SPPL3: variants seen among roughly 807,000 people sequenced by gnomAD.
SPPL3 encodes signal peptide peptidase-like 3.
SPPL3 carries 5 observed loss-of-function variants against 42.4 expected under a neutral mutation model. That is an observed-to-expected ratio of 0.12 (90% CI 0.06 to 0.25). SPPL3 has a LOEUF of 0.25. Among genes scored for constraint, SPPL3 ranks in the 10% least tolerant of loss-of-function variants. The pLI, the probability that SPPL3 is intolerant of heterozygous loss-of-function variation, is 1.00. For missense variants in SPPL3, 235 were observed against 489.0 expected (o/e 0.48, Z 4.90); for synonymous variants, 195 against 181.8 (o/e 1.07, Z -0.58).
intron 1 of SPPL3, among the ~76,000 whole-genome samples, chr12:120,813,241 T>C (rs1870744873): frequency 8.0e-6 from 1 of 125,210 alleles, no homozygotes; most frequent in African/African-American, 4.5e-5. Flanking sequence ...CCTTTAATCG[T>C]TGTAAAAAAT....
chr12:120,784,471 T>C lies in SPPL3; in HGVS notation c.310+3A>G, dbSNP rs762729066. On this transcript the variant is annotated splice_donor_region_variant and intron_variant, in intron 4 of 10. Transcript: ENST00000353487. Reference sequence around the variant, plus strand: ...AAGACTAGACAGAGAAACTCATATTTACCTGCTGTACATATTGTAAAAACT... The same window carrying C: ...AAGACTAGACAGAGAAACTCATATTCACCTGCTGTACATATTGTAAAAACT... 3.2e-5 allele frequency: 51 copies of C among 1,587,132 alleles called. No individual in the cohort carries two copies. The highest frequency in any genetic ancestry group is 4.1e-5 in the Non-Finnish European group (48 of 1,170,586).
chr12:120,891,674 C>A (rs1479703339), intron 1 of SPPL3, among the ~76,000 whole-genome samples: 4 of 146,620 alleles, frequency 2.7e-5, no homozygotes, highest in Non-Finnish European at 5.9e-5. Context: ...ATGTTTCCTG[C>A]AAAATATTTT....
chr12:120,851,261 A>G (rs1872212628), intron 1 of SPPL3, among the ~76,000 whole-genome samples: 1 of 152,220 alleles, frequency 6.6e-6, no homozygotes, highest in Non-Finnish European at 1.5e-5. Flanking sequence ...TAGCAGCAGC[A>G]CATACCACTT....
intron 1 of SPPL3, among the ~76,000 whole-genome samples, chr12:120,862,255 CACTTCTGACACCAA>C (rs1478461868): frequency 3.9e-5 from 6 of 152,176 alleles, no homozygotes; most frequent in Non-Finnish European, 7.4e-5. Context: ...CTACTCTTAA[CACTTCTGACACCAA>C]ATGTGTGGGT....
intron 1 of SPPL3, among the ~76,000 whole-genome samples, chr12:120,814,818 G>A (rs1182536967): frequency 6.6e-6 from 1 of 151,948 alleles, no homozygotes; most frequent in Non-Finnish European, 1.5e-5. Context: ...CACTTCTTAT[G>A]AAATAGGTAG....
intron 1 of SPPL3, among the ~76,000 whole-genome samples, chr12:120,883,335 CTT>C (rs767190190): frequency 2.0e-5 from 3 of 152,154 alleles, no homozygotes; most frequent in Non-Finnish European, 2.9e-5. Flanking sequence ...AAAAAACAAA[CTT>C]AATTCTAGAT....
chr12:120,811,430 C>T (rs926948004), intron 1 of SPPL3: 1 of 152,274 alleles, frequency 6.6e-6, no homozygotes, highest in Admixed American at 6.5e-5. Context: ...CTTAGCTGAT[C>T]CTCTCAAGGA....
chr12:120,883,714 A>G (rs1873361379), intron 1 of SPPL3, among the ~76,000 whole-genome samples: 1 of 152,222 alleles, frequency 6.6e-6, no homozygotes, highest in Admixed American at 6.5e-5. Flanking sequence ...AAAAATATTG[A>G]CTGAAAAAAA....
intron 2 of SPPL3, among the ~76,000 whole-genome samples, chr12:120,793,985 TGG>T (rs1870013176): frequency 6.6e-6 from 1 of 152,240 alleles, no homozygotes; most frequent in Admixed American, 6.5e-5. Flanking sequence ...ATTCTATTAT[TGG>T]GAGTGGTACT....
intron 1 of SPPL3, among the ~76,000 whole-genome samples, chr12:120,849,762 C>T (rs1872163541): frequency 6.6e-6 from 1 of 152,210 alleles, no homozygotes; most frequent in African/African-American, 2.4e-5. Flanking sequence ...CTAAAAACCA[C>T]TCTGGGTTAC....
chr12:120,878,851 T>C (rs1260287492), intron 1 of SPPL3, among the ~76,000 whole-genome samples: 1 of 152,088 alleles, frequency 6.6e-6, no homozygotes, highest in Non-Finnish European at 1.5e-5. Flanking sequence ...CAGTGGCTCA[T>C]ACCCGTAATC....
At chr12:120,870,126 A>G (rs186981357) in intron 1 of SPPL3, among the ~76,000 whole-genome samples, 3 of 152,352 alleles carry the variant, frequency 2.0e-5, no homozygotes, top group Non-Finnish European at 4.4e-5. Flanking sequence ...ACACATCTTC[A>G]GATTCAGAAT....
At chr12:120,810,932 C>T (rs758445176) in intron 1 of SPPL3, 46 bp from the exon 2 acceptor site, 1 of 1,400,592 alleles carries the variant, frequency 7.1e-7, no homozygotes, top group Non-Finnish European at 1.0e-6. Flanking sequence ...GCAGTGAGTC[C>T]TAATGGAGCT....
rs1198704059 is a variant in SPPL3, at chr12:120,804,736, G to A, written c.101+6073C>T. Among the ~76,000 whole-genome samples the A allele has an allele frequency of 3.3e-5, 5 of 152,200 alleles. No homozygotes were observed. The East Asian group carries it at 7.7e-4, about 24-fold the overall frequency. ...AGTTACCATTAGACCCAGCAATTCTGCTACTAGGTATCTGCTTGAGGGCAA... is the reference window on the plus strand; with the variant it reads ...AGTTACCATTAGACCCAGCAATTCTACTACTAGGTATCTGCTTGAGGGCAA... On this transcript the variant is annotated intron_variant, in intron 2 of 10. Coordinates refer to ENST00000353487, the MANE Select transcript of SPPL3 (RefSeq NM_139015.5).
At position 120,892,394 on chromosome 12, in the gene SPPL3, C is replaced by T. The variant is rs552007173; in HGVS notation, c.23+11451G>A. Among the ~76,000 whole-genome samples the T allele has an allele frequency of 1.6e-4, 25 of 152,204 alleles. 1 individual carries two copies. The Middle Eastern group carries it at 0.01, about 62-fold the overall frequency. ...AGACATCAGAAGAACATTTCTCCTG[C>T]GCCAATCAGAAAGAAGGCTCCACAG... is the stretch of plus-strand genomic sequence containing the variant. On this transcript the variant is annotated intron_variant, in intron 1 of 10. Coordinates refer to ENST00000353487, the MANE Select transcript of SPPL3 (RefSeq NM_139015.5).
At chr12:120,834,749 T>A (rs1871549915) in intron 1 of SPPL3, among the ~76,000 whole-genome samples, 1 of 152,164 alleles carries the variant, frequency 6.6e-6, no homozygotes, top group Non-Finnish European at 1.5e-5. Flanking sequence ...ACCTTTTGTG[T>A]TTCCCTTTCT....
At chr12:120,820,117 C>A (rs1473739650) in intron 1 of SPPL3, among the ~76,000 whole-genome samples, 1 of 152,156 alleles carries the variant, frequency 6.6e-6, no homozygotes, top group Non-Finnish European at 1.5e-5. Flanking sequence ...ATGCAAACTG[C>A]TAACACCTTC....
At chr12:120,859,182 C>T (rs1047928477) in intron 1 of SPPL3, among the ~76,000 whole-genome samples, 28 of 147,170 alleles carry the variant, frequency 1.9e-4, no homozygotes, top group Admixed American at 1.4e-4. Flanking sequence ...GGGTGGGGGG[C>T]GTGGGGGTTT....
intron 2 of SPPL3, among the ~76,000 whole-genome samples, chr12:120,807,034 A>T (rs1351012411): frequency 6.6e-6 from 1 of 152,180 alleles, no homozygotes; most frequent in East Asian, 1.9e-4. Flanking sequence ...CACTATTAAG[A>T]AAATGAGAAG....
Sources: gnomAD v4.1 joint callset for allele counts (sites outside exome capture counted in the v4.1 genomes callset) on GRCh38, gnomAD v4.1.1 for gene constraint, MANE v1.5 for transcripts, NCBI Gene and HGNC (gene_info 2026-07-23, HGNC 2026-07-21) for gene names.